The following GCSH variants were observed in gnomAD, a reference collection of about 807,000 sequenced individuals.
The protein encoded by GCSH is glycine cleavage system protein H, also known as glycine cleavage system H protein, mitochondrial.
Under a neutral mutation model 21.3 loss-of-function variants are expected in GCSH, and 15 were observed. The ratio of observed to expected loss-of-function variants is 0.70; its 90% CI spans 0.47 to 1.08. GCSH has a LOEUF of 1.08. Among genes scored for constraint, GCSH ranks in the 50% least tolerant of loss-of-function variants. The pLI, the probability that GCSH is intolerant of heterozygous loss-of-function variation, is 0.00. For synonymous variants in GCSH, 59 were observed against 84.5 expected (o/e 0.70, Z 1.66); for missense variants, 179 against 217.5 (o/e 0.82, Z 1.11).
At position 81,096,381 on chromosome 16, in the gene GCSH, A is replaced by G; in HGVS notation, c.-103T>C. ...CGGCCGGAGGGAGCCGGCTGGATGG[A>G]GGCGCGGAGGCGGTGCCGCGGGGGC... On this transcript the variant is annotated 5_prime_UTR_variant, in exon 1 of 5. Coordinates refer to ENST00000315467, the MANE Select transcript of GCSH (RefSeq NM_004483.5). 2 of 958,682 alleles carry G rather than the reference A, an allele frequency of 2.1e-6. No individual in the cohort carries two copies. Among genetic ancestry groups the G allele is most frequent in the South Asian group, 2.5e-5 (1 of 39,844 alleles). The allele number at this position is 958,682 out of a possible 1,614,324, so 59.4% of individuals were successfully genotyped here. A position where few individuals can be genotyped will look rare whatever the true frequency, so the allele number is the denominator to read the frequency against.
At position 81,090,749 on chromosome 16, in the gene GCSH, T is replaced by C. The variant is rs141364396; in HGVS notation, c.149-69A>G. On this transcript the variant is annotated intron_variant, in intron 1 of 4. Coordinates refer to ENST00000315467, the MANE Select transcript of GCSH (RefSeq NM_004483.5). Reference sequence around the variant, plus strand: ...TCTTAAGAAGCACTTTTCATTACCATTGCTTTCAAAAGACTTTCCCAGAAT... The same window carrying C: ...TCTTAAGAAGCACTTTTCATTACCACTGCTTTCAAAAGACTTTCCCAGAAT... The C allele has an allele frequency of 9.1e-4, 991 of 1,094,928 alleles. 1 individual carries two copies. The highest frequency in any genetic ancestry group is 4.1e-3 in the Middle Eastern group (21 of 5,102). 67.8% of individuals were successfully genotyped at this position (1,094,928 alleles called of 1,614,324 possible).
rs1420141216 is a variant in GCSH, at chr16:81,087,586, C to T, written c.292+15G>A. On this transcript the variant is annotated intron_variant, in intron 3 of 4. Coordinates refer to ENST00000315467, the MANE Select transcript of GCSH (RefSeq NM_004483.5). ...TTCATGGCATGGATCATTCTAAGAT[C>T]CTAAGAACACTCACCTTGTTTGTTC... 6.4e-7 allele frequency: 1 copy of T among 1,551,026 alleles called. No individual in the cohort carries two copies. The highest frequency in any genetic ancestry group is 1.1e-5 in the South Asian group (1 of 89,738).
chr16:81,089,646 C>T (rs1567588970), intron 2 of GCSH, among the ~76,000 whole-genome samples: 2 of 152,230 alleles, frequency 1.3e-5, no homozygotes, highest in East Asian at 3.9e-4. Context: ...TTAAGTGACA[C>T]GAGTGCATTC....
At chr16:81,094,418 G>T (rs6420419) in intron 1 of GCSH, among the ~76,000 whole-genome samples, 122,020 of 151,292 alleles carry the variant, frequency 0.81, 50,574 homozygotes, top group Non-Finnish European at 0.92. Context: ...GGCAGGAGAA[G>T]TGTTTGAACC....
In GCSH at chr16:81,091,109, T is replaced by TAA. The variant is rs75731175; in HGVS notation, c.149-431_149-430dup. 2.4e-3 allele frequency: 892 copies of TAA among 367,814 alleles called. 7 individuals are homozygous for TAA. Among genetic ancestry groups the TAA allele is most frequent in the African/African-American group, 0.018 (821 of 46,268 alleles). 22.8% of individuals were successfully genotyped at this position (367,814 alleles called of 1,614,324 possible). A position where few individuals can be genotyped will look rare whatever the true frequency, so the allele number is the denominator to read the frequency against. On this transcript the variant is annotated intron_variant, in intron 1 of 4. Coordinates refer to ENST00000315467, the MANE Select transcript of GCSH (RefSeq NM_004483.5). Reference sequence around the variant, plus strand: ...GGCTCATATAAGAAATGATTTAACCTAAAAAAAAAAATAACAGTAATAATC... The same window carrying TAA: ...GGCTCATATAAGAAATGATTTAACCTAAAAAAAAAAAAATAACAGTAATAATC...
At chr16:81,094,526 G>T (rs1046353034) in intron 1 of GCSH, among the ~76,000 whole-genome samples, 48 of 151,754 alleles carry the variant, frequency 3.2e-4, no homozygotes, top group African/African-American at 1.1e-3. Context: ...AAAAAAAAAG[G>T]AACGAAAACC....
chr16:81,095,553 T>C (rs1452725934), intron 1 of GCSH, among the ~76,000 whole-genome samples: 1 of 151,684 alleles, frequency 6.6e-6, no homozygotes, highest in Non-Finnish European at 1.5e-5. Context: ...TGGCTAATTT[T>C]TTGTACTTTT....
At chr16:81,095,110 AAAAAAAG>A (rs1313840807) in intron 1 of GCSH, among the ~76,000 whole-genome samples, 1 of 152,034 alleles carries the variant, frequency 6.6e-6, no homozygotes, top group South Asian at 2.1e-4. Flanking sequence ...AGAAAAAAAA[AAAAAAAG>A]AAAATTGTTT....
chr16:81,095,978 G>A (rs1972498021), intron 1 of GCSH, among the ~76,000 whole-genome samples, 153 bp downstream of exon 1: 1 of 151,312 alleles, frequency 6.6e-6, no homozygotes, highest in Admixed American at 6.6e-5. Context: ...CAGAGCCAGG[G>A]ATCCCAACAG....
At position 81,082,285 on chromosome 16, in the gene GCSH, G is replaced by A. The variant is rs751381820; in HGVS notation, c.*581C>T. On this transcript the variant is annotated 3_prime_UTR_variant, in exon 5 of 5. Transcript: ENST00000315467. ...GTTAGCACTTTCACAAATACTAGCAGAGTTACTAAATGAAATATTAACATC... is the reference window on the plus strand; with the variant it reads ...GTTAGCACTTTCACAAATACTAGCAAAGTTACTAAATGAAATATTAACATC... The A allele has an allele frequency of 2.2e-6, 1 of 446,412 alleles. No individual in the cohort carries two copies. Among genetic ancestry groups the A allele is most frequent in the South Asian group, 1.6e-5 (1 of 62,944 alleles). The allele number at this position is 446,412 out of a possible 1,614,324, so 27.7% of individuals were successfully genotyped here.
chr16:81,096,356 C>A lies in GCSH; in HGVS notation c.-78G>T. The stretch of plus-strand genomic sequence containing the variant: ...AGGCGGGGCGGGGAGGGGCAGTTCG[C>A]GGCCGGAGGGAGCCGGCTGGATGGA... On this transcript the variant is annotated 5_prime_UTR_variant, in exon 1 of 5. Coordinates refer to ENST00000315467, the MANE Select transcript of GCSH (RefSeq NM_004483.5). The A allele has an allele frequency of 8.8e-7, 1 of 1,131,820 alleles. No individual in the cohort carries two copies. Among genetic ancestry groups the A allele is most frequent in the African/African-American group, 1.6e-5 (1 of 60,796 alleles). 70.1% of individuals were successfully genotyped at this position (1,131,820 alleles called of 1,614,324 possible).
At chr16:81,090,870 A>G in intron 1 of GCSH, 190 bp from the exon 2 acceptor site, 4 of 649,134 alleles carry the variant, frequency 6.2e-6, no homozygotes, top group South Asian at 3.5e-5. Context: ...CAGCAGTACC[A>G]TTTAAGCAAA....
chr16:81,095,315 T>C (rs965527498), intron 1 of GCSH, among the ~76,000 whole-genome samples: 5 of 152,054 alleles, frequency 3.3e-5, no homozygotes, highest in Admixed American at 6.6e-5. Flanking sequence ...TTTGGGGAAA[T>C]AGCTGAATCT....
At chr16:81,092,453 G>A (rs1217675364) in intron 1 of GCSH, among the ~76,000 whole-genome samples, 1 of 151,928 alleles carries the variant, frequency 6.6e-6, no homozygotes, top group Non-Finnish European at 1.5e-5. Flanking sequence ...AAATTATCAT[G>A]TCGCAGGCCA....
chr16:81,086,608 A>T (rs575334203), intron 3 of GCSH, among the ~76,000 whole-genome samples: 1 of 152,220 alleles, frequency 6.6e-6, no homozygotes, highest in South Asian at 2.1e-4. Flanking sequence ...CTGAAAAGTT[A>T]ACAGTCTTAG....
chr16:81,090,573 G>A, intron 2 of GCSH, 28 bp downstream of exon 2: 1 of 1,432,596 alleles, frequency 7.0e-7, no homozygotes, highest in Non-Finnish European at 9.8e-7. Context: ...GAGCACACTG[G>A]GACAAATATT....
At chr16:81,083,170 C>T (rs913765403) in intron 4 of GCSH, 18 of 481,068 alleles carry the variant, frequency 3.7e-5, no homozygotes, top group African/African-American at 1.1e-4. Context: ...GAATAGATTC[C>T]ACCATAATAA....
intron 1 of GCSH, among the ~76,000 whole-genome samples, chr16:81,095,008 G>T (rs878977811): frequency 1.3e-5 from 2 of 151,658 alleles, no homozygotes; most frequent in Non-Finnish European, 2.9e-5. Flanking sequence ...CAAGAGAATC[G>T]CTTGAATCTG....
In GCSH at chr16:81,092,753, AAC is replaced by A. The variant is rs1243592626; in HGVS notation, c.149-2075_149-2074del. 9.4e-3 allele frequency among the ~76,000 whole-genome samples: 1,374 copies of A among 146,206 alleles called. 16 individuals are homozygous for A. Among genetic ancestry groups the A allele is most frequent in the African/African-American group, 0.035 (1,281 of 36,422 alleles). The stretch of plus-strand genomic sequence containing the variant: ...GCAAGACTCAGTCTCAAAAAAAACA[AAC>A]AAAAAAAATCCCTGGGCGTGGTGGC... On this transcript the variant is annotated intron_variant, in intron 1 of 4. Transcript: ENST00000315467.
Sources: allele counts gnomAD v4.1 joint callset (sites outside exome capture counted in the v4.1 genomes callset), GRCh38; gene constraint gnomAD v4.1.1; transcripts MANE v1.5; gene names NCBI Gene and HGNC (gene_info 2026-07-23, HGNC 2026-07-21).